The following ZNF107 variants were observed in gnomAD, a reference collection of about 807,000 sequenced individuals.
ZNF107 encodes zinc finger protein 107.
ZNF107 carries 19 observed loss-of-function variants against 12.3 expected under a neutral mutation model. That is an observed-to-expected ratio of 1.55 (90% CI 1.08 to 2.27). The LOEUF is 2.27. Ranked by LOEUF, ZNF107 falls within the 30% of genes most tolerant of loss-of-function variation. ZNF107 has a pLI of 0.00. For synonymous variants in ZNF107, 317 were observed against 330.5 expected, an observed-to-expected ratio of 0.96 and a Z score of 0.44; for missense variants, 958 against 979.9, an observed-to-expected ratio of 0.98 and a Z score of 0.30.
chr7:64,707,831 T>TCAA lies in ZNF107; in HGVS notation c.1736_1738dup (p.Gln579dup). 1.2e-6 allele frequency: 2 copies of TCAA among 1,611,116 alleles called. No homozygotes were observed. Among genetic ancestry groups the TCAA allele is most frequent in the Non-Finnish European group, 1.7e-6 (2 of 1,179,110 alleles). On this transcript the variant is annotated inframe_insertion, in exon 4 of 4. Coordinates refer to ENST00000620827, the MANE Select transcript of ZNF107 (RefSeq NM_001282359.2). ...GTGGAAAAGCCTTTAATCAATCCTA[T>TCAA]CAACTTACTAGACATAAGATAGTTC...
chr7:64,671,925 G>A (rs1789244990), intron 1 of ZNF107, among the ~76,000 whole-genome samples: 1 of 151,738 alleles, frequency 6.6e-6, no homozygotes, highest in South Asian at 2.1e-4. Context: ...GGGACTACAG[G>A]TGCCCGCCAC....
chr7:64,697,132 A>G (rs1356958119), intron 3 of ZNF107, among the ~76,000 whole-genome samples: 36 of 152,170 alleles, frequency 2.4e-4, no homozygotes, highest in African/African-American at 8.7e-4. Flanking sequence ...CCATGTCCCT[A>G]CAAAGGACAT....
chr7:64,684,635 T>C, intron 1 of ZNF107: 3 of 985,364 alleles, frequency 3.0e-6, no homozygotes, highest in Non-Finnish European at 3.6e-6. Flanking sequence ...CCGCCCTGCT[T>C]CTTCACCCTC....
Position 64,667,737 on chromosome 7 carries a change from C to T in ZNF107, c.3+1452C>T, listed in dbSNP as rs116644587. On this transcript the variant is annotated intron_variant, in intron 1 of 3. Coordinates refer to ENST00000620827, the MANE Select transcript of ZNF107 (RefSeq NM_001282359.2). ...GCCTCTCAAGGGAGCAGGTGGATGC[C>T]CTGGGGCTGAGAGGAATCTCCTGGT... Among the ~76,000 whole-genome samples the T allele has an allele frequency of 9.3e-3, 1,420 of 152,086 alleles. 16 individuals are homozygous for T. The highest frequency in any genetic ancestry group is 0.032 in the African/African-American group (1,344 of 41,480).
chr7:64,667,668 T>C (rs1393692852), intron 1 of ZNF107, among the ~76,000 whole-genome samples: 1 of 152,174 alleles, frequency 6.6e-6, no homozygotes, highest in Non-Finnish European at 1.5e-5. Flanking sequence ...GAACTCTGGG[T>C]ATCTGGGAAT....
intron 3 of ZNF107, among the ~76,000 whole-genome samples, chr7:64,693,033 C>G (rs143803149): frequency 4.9e-4 from 75 of 152,060 alleles, no homozygotes; most frequent in Admixed American, 2.0e-3. Context: ...GAGTCTTGCT[C>G]TGTCGCCCAG....
intron 3 of ZNF107, among the ~76,000 whole-genome samples, chr7:64,693,881 C>T (rs992254540): frequency 2.6e-5 from 4 of 152,134 alleles, no homozygotes; most frequent in Middle Eastern, 3.4e-3. Flanking sequence ...CTTTGCCTCC[C>T]GGGTTCAAGC....
At position 64,708,817 on chromosome 7, in the gene ZNF107, C is replaced by A. The variant is rs1453311340; in HGVS notation, c.*161C>A. 8 of 738,270 alleles carry A rather than the reference C, an allele frequency of 1.1e-5. No individual in the cohort carries two copies. Among genetic ancestry groups the A allele is most frequent in the African/African-American group, 3.6e-5 (2 of 56,018 alleles). The allele number at this position is 738,270 out of a possible 1,614,324, so 45.7% of individuals were successfully genotyped here. A position where few individuals can be genotyped will look rare whatever the true frequency, so the allele number is the denominator to read the frequency against. On this transcript the variant is annotated 3_prime_UTR_variant, in exon 4 of 4. Coordinates refer to ENST00000620827, the MANE Select transcript of ZNF107 (RefSeq NM_001282359.2). ...TTACAATGTAAAGAATGTGGCACAG[C>A]TTTTAACTAATCTTCAAACCTTACT...
rs376115154 is a variant in ZNF107 at position 64,704,218 on chromosome 7, T to C, written c.227-2106T>C. On this transcript the variant is annotated intron_variant, in intron 3 of 3. Transcript: ENST00000620827. ...ATGATAATGCTGTGAAATTCTGTTT[T>C]TGTATATGTGCATATCTTTCCCAGA... Among the ~76,000 whole-genome samples, 10 of 152,326 alleles carry C rather than the reference T, an allele frequency of 6.6e-5. No homozygotes were observed. The East Asian group carries it at 9.6e-4, about 15-fold the overall frequency.
chr7:64,666,365 G>A, intron 1 of ZNF107, 80 bp downstream of exon 1: 1 of 1,560,960 alleles, frequency 6.4e-7, no homozygotes, highest in Non-Finnish European at 8.7e-7. Context: ...GGCTGGACTC[G>A]GGCCTCCAAA....
intron 1 of ZNF107, among the ~76,000 whole-genome samples, chr7:64,674,423 G>A (rs941330913): frequency 6.6e-6 from 1 of 152,172 alleles, no homozygotes; most frequent in African/African-American, 2.4e-5. Flanking sequence ...TGTTGTTGAT[G>A]TAGAGGGATG....
chr7:64,711,005 T>A lies in ZNF107; in HGVS notation c.*2349T>A, dbSNP rs1205413543. On this transcript the variant is annotated 3_prime_UTR_variant, in exon 4 of 4. Coordinates refer to ENST00000620827, the MANE Select transcript of ZNF107 (RefSeq NM_001282359.2). ...TTTTACTATTTGTACTTTTATGTAATAAAATGCAATGTGTTTAAAAATTTT... is the reference window on the plus strand; with the variant it reads ...TTTTACTATTTGTACTTTTATGTAAAAAAATGCAATGTGTTTAAAAATTTT... 1 of 152,202 alleles carries A rather than the reference T, an allele frequency of 6.6e-6. No individual in the cohort carries two copies. Among genetic ancestry groups the A allele is most frequent in the Non-Finnish European group, 1.5e-5 (1 of 68,002 alleles). 9.4% of individuals were successfully genotyped at this position (152,202 alleles called of 1,614,324 possible).
At chr7:64,670,145 GGCA>G (rs1165372276) in intron 1 of ZNF107, among the ~76,000 whole-genome samples, 1 of 152,078 alleles carries the variant, frequency 6.6e-6, no homozygotes, top group African/African-American at 2.4e-5. Context: ...ATCGTTTTGA[GGCA>G]GTATTTTACT....
chr7:64,708,006 A>C lies in ZNF107; in HGVS notation c.1909A>C (p.Thr637Pro), dbSNP rs764395443. Residue 637 changes from threonine to proline, a missense_variant, in exon 4 of 4, where the codon ACT becomes CCT. Physicochemically the swap from Thr to Pro is conservative, Grantham distance 38. Coordinates refer to ENST00000620827, the MANE Select transcript of ZNF107 (RefSeq NM_001282359.2). ...GKVFNQSSNLTTQKIIHTGEN... is the reference protein window; with the variant it reads ...GKVFNQSSNLPTQKIIHTGEN... The stretch of plus-strand genomic sequence containing the variant: ...AGTTTTTAACCAGTCCTCAAACCTT[A>C]CTACACAAAAGATAATTCATACTGG... 2 of 1,613,176 alleles carry C rather than the reference A, an allele frequency of 1.2e-6. No individual in the cohort carries two copies. Among genetic ancestry groups the C allele is most frequent in the African/African-American group, 2.7e-5 (2 of 74,870 alleles).
intron 3 of ZNF107, among the ~76,000 whole-genome samples, chr7:64,702,201 T>G (rs1287943028): frequency 6.6e-6 from 1 of 151,874 alleles, no homozygotes; most frequent in Admixed American, 6.6e-5. Context: ...CAGGCTGGAG[T>G]GCAGTGGCAT....
intron 1 of ZNF107, among the ~76,000 whole-genome samples, chr7:64,684,214 C>A (rs1172719015): frequency 6.6e-6 from 1 of 152,176 alleles, no homozygotes; most frequent in Non-Finnish European, 1.5e-5. Context: ...AGGTATAGCC[C>A]ATTCGAACTC....
intron 1 of ZNF107, among the ~76,000 whole-genome samples, chr7:64,667,181 C>CT (rs1452464949): frequency 6.6e-6 from 1 of 152,198 alleles, no homozygotes; most frequent in Non-Finnish European, 1.5e-5. Flanking sequence ...ATTCCCCATT[C>CT]TTTTAGCCTA....
intron 1 of ZNF107, among the ~76,000 whole-genome samples, chr7:64,675,083 C>T (rs545225888): frequency 6.6e-6 from 1 of 152,228 alleles, no homozygotes; most frequent in East Asian, 1.9e-4. Context: ...TGTTATATCT[C>T]TGTCAGGTTT....
intron 1 of ZNF107, among the ~76,000 whole-genome samples, chr7:64,681,139 T>G (rs1172067285): frequency 6.6e-6 from 1 of 152,146 alleles, no homozygotes; most frequent in Non-Finnish European, 1.5e-5. Context: ...TCTCCTCGGC[T>G]TGGCGGCTGA....
Sources: gnomAD v4.1 joint callset for allele counts (sites outside exome capture counted in the v4.1 genomes callset) on GRCh38, gnomAD v4.1.1 for gene constraint, MANE v1.5 for transcripts, NCBI Gene and HGNC (gene_info 2026-07-23, HGNC 2026-07-21) for gene names.